The following FANCC variants were observed in gnomAD, a reference collection of about 807,000 sequenced individuals.
FANCC encodes the protein FA complementation group C.
Under a neutral mutation model 71.3 loss-of-function variants are expected in FANCC, and 55 were observed. The observed-to-expected ratio is 0.77, with a 90% CI of 0.62 to 0.97. The LOEUF is 0.97. FANCC is among the 50% of genes least tolerant of loss of function. The pLI, the probability that FANCC is intolerant of heterozygous loss-of-function variation, is 0.00. For missense variants in FANCC, 678 were observed against 670.9 expected (o/e 1.01, Z -0.12); for synonymous variants, 275 against 244.9 (o/e 1.12, Z -1.15).
chr9:95,120,405 G>C (rs2072779678), intron 10 of FANCC, among the ~76,000 whole-genome samples: 1 of 151,210 alleles, frequency 6.6e-6, no homozygotes, highest in Admixed American at 6.6e-5. Flanking sequence ...GATTACAATG[G>C]CTTTTAAAAT....
At chr9:95,123,809 C>A (rs1347816416) in intron 10 of FANCC, 6 of 691,026 alleles carry the variant, frequency 8.7e-6, no homozygotes, top group Non-Finnish European at 1.6e-5. Flanking sequence ...GGACTGAACA[C>A]CCCTACTCCA....
At chr9:95,184,121 T>C (rs1449502252) in intron 4 of FANCC, among the ~76,000 whole-genome samples, 3 of 151,926 alleles carry the variant, frequency 2.0e-5, no homozygotes, top group Admixed American at 6.6e-5. Flanking sequence ...TCTCCCCCCC[T>C]TTTTTTAATG....
At chr9:95,106,185 A>C (rs1291477887) in intron 14 of FANCC, among the ~76,000 whole-genome samples, 1 of 151,984 alleles carries the variant, frequency 6.6e-6, no homozygotes, top group Non-Finnish European at 1.5e-5. Flanking sequence ...ATCTCGCTGC[A>C]CTTTGCCTTT....
intron 4 of FANCC, among the ~76,000 whole-genome samples, chr9:95,227,263 C>T (rs751914376): frequency 2.6e-5 from 4 of 152,170 alleles, no homozygotes; most frequent in African/African-American, 4.8e-5. Context: ...GCCTTGCCTG[C>T]AGAAAGGATG....
intron 1 of FANCC, among the ~76,000 whole-genome samples, chr9:95,288,846 G>A (rs928497704): frequency 1.3e-5 from 2 of 151,710 alleles, no homozygotes; most frequent in Admixed American, 1.3e-4. Flanking sequence ...TGTAACCCTA[G>A]TACTTAGGGA....
chr9:95,176,426 G>A (rs1346231448), intron 4 of FANCC, among the ~76,000 whole-genome samples: 3 of 152,294 alleles, frequency 2.0e-5, no homozygotes, highest in African/African-American at 7.2e-5. Context: ...GCCTGTTTGC[G>A]ACCCTGGAGG....
chr9:95,148,091 G>A (rs959334074), intron 7 of FANCC, among the ~76,000 whole-genome samples: 1 of 152,054 alleles, frequency 6.6e-6, no homozygotes, highest in South Asian at 2.1e-4. Flanking sequence ...CAGCCCTCAC[G>A]CTACTCTTCA....
intron 10 of FANCC, among the ~76,000 whole-genome samples, chr9:95,124,044 C>A (rs1825547657): frequency 7.3e-6 from 1 of 136,374 alleles, no homozygotes; most frequent in Non-Finnish European, 1.5e-5. Flanking sequence ...GTTGAGACTG[C>A]AGTAAACTGA....
At chr9:95,248,862 A>T (rs931688342) in intron 2 of FANCC, among the ~76,000 whole-genome samples, 5 of 152,192 alleles carry the variant, frequency 3.3e-5, no homozygotes, top group Non-Finnish European at 4.4e-5. Flanking sequence ...TTACTACTTG[A>T]CAACAAGCAT....
At chr9:95,294,162 T>G in intron 1 of FANCC, 1 of 1,604,248 alleles carries the variant, frequency 6.2e-7, no homozygotes, top group Non-Finnish European at 8.5e-7. Context: ...AGACATTGGA[T>G]CATCATAGTC....
intron 12 of FANCC, among the ~76,000 whole-genome samples, chr9:95,112,145 G>A (rs2071995857): frequency 1.3e-5 from 2 of 152,238 alleles, no homozygotes. Flanking sequence ...TGAAGTGTTT[G>A]TGAAGCTATC....
chr9:95,116,135 C>G (rs4647523), intron 11 of FANCC, among the ~76,000 whole-genome samples: 71 of 152,384 alleles, frequency 4.7e-4, no homozygotes, highest in African/African-American at 1.6e-3. Context: ...CATGCACCAC[C>G]TCACCGTTTA....
intron 6 of FANCC, among the ~76,000 whole-genome samples, chr9:95,163,660 A>G (rs955851204): frequency 6.6e-6 from 1 of 152,136 alleles, no homozygotes; most frequent in African/African-American, 2.4e-5. Context: ...GACCAGCATG[A>G]CCAACACGGA....
chr9:95,281,272 CAAAG>C (rs887866027), intron 1 of FANCC, among the ~76,000 whole-genome samples: 8 of 151,818 alleles, frequency 5.3e-5, no homozygotes, highest in African/African-American at 1.9e-4. Context: ...AGATCAAGCA[CAAAG>C]AGAGGATCCT....
intron 4 of FANCC, among the ~76,000 whole-genome samples, chr9:95,236,028 T>G (rs1027176320): frequency 6.6e-6 from 1 of 152,086 alleles, no homozygotes; most frequent in Non-Finnish European, 1.5e-5. Flanking sequence ...AAGTTTTTTC[T>G]TTTTGAAAAA....
intron 1 of FANCC, among the ~76,000 whole-genome samples, chr9:95,269,762 A>G (rs1012847360): frequency 3.9e-5 from 6 of 152,086 alleles, no homozygotes; most frequent in African/African-American, 1.4e-4. Flanking sequence ...ACACTCTGGG[A>G]ACCATTATTG....
chr9:95,268,872 A>C (rs1433444731), intron 1 of FANCC, among the ~76,000 whole-genome samples: 1 of 152,194 alleles, frequency 6.6e-6, no homozygotes, highest in East Asian at 1.9e-4. Flanking sequence ...AAGGGGACTG[A>C]CAGGACACAG....
intron 6 of FANCC, among the ~76,000 whole-genome samples, chr9:95,157,672 C>T (rs1191245992): frequency 5.3e-5 from 8 of 152,130 alleles, no homozygotes; most frequent in South Asian, 2.1e-4. Context: ...GAAAGTGTTG[C>T]GTAACTCTCC....
At chr9:95,299,580 C>T (rs919085940) in intron 1 of FANCC, among the ~76,000 whole-genome samples, 1 of 152,088 alleles carries the variant, frequency 6.6e-6, no homozygotes, top group Non-Finnish European at 1.5e-5. Context: ...TGTATCTCTG[C>T]GGCCCTGCAG....
Sources: gnomAD v4.1 joint callset for allele counts (sites outside exome capture counted in the v4.1 genomes callset) on GRCh38, gnomAD v4.1.1 for gene constraint, MANE v1.5 for transcripts, NCBI Gene and HGNC (gene_info 2026-07-23, HGNC 2026-07-21) for gene names.